Variants in LRRC4C observed in about 807,000 individuals in gnomAD.
The protein encoded by LRRC4C is leucine-rich repeat-containing protein 4C.
A neutral mutation model predicts 33.6 loss-of-function variants in LRRC4C; 5 were observed. That is an observed-to-expected ratio of 0.15 (90% confidence interval 0.08 to 0.31). The LOEUF is 0.31. LRRC4C is among the 10% of genes least tolerant of loss of function. The pLI, the probability that LRRC4C is intolerant of heterozygous loss-of-function variation, is 1.00. For synonymous variants in LRRC4C, 329 were observed against 302.0 expected (o/e 1.09, Z -0.93); for missense variants, 560 against 796.7 (o/e 0.70, Z 3.58).
intron 1 of LRRC4C, among the ~76,000 whole-genome samples, chr11:40,961,374 C>G (rs969873123): frequency 9.9e-5 from 15 of 151,666 alleles, no homozygotes; most frequent in African/African-American, 3.6e-4. Context: ...GGGCTACAAA[C>G]ACTTGCCTCC....
chr11:40,235,165 A>G (rs1001491349), intron 5 of LRRC4C, among the ~76,000 whole-genome samples: 7 of 152,264 alleles, frequency 4.6e-5, no homozygotes, highest in African/African-American at 1.7e-4. Context: ...TCATTTAACT[A>G]TCTTGTGGCA....
At chr11:41,300,516 T>A (rs1315899339) in intron 1 of LRRC4C, among the ~76,000 whole-genome samples, 1 of 152,120 alleles carries the variant, frequency 6.6e-6, no homozygotes, top group Non-Finnish European at 1.5e-5. Flanking sequence ...GGAACTAACG[T>A]CCTCTCTTCA....
chr11:40,384,900 C>T (rs186138855), intron 3 of LRRC4C, among the ~76,000 whole-genome samples: 1 of 152,182 alleles, frequency 6.6e-6, no homozygotes, highest in East Asian at 1.9e-4. Flanking sequence ...ATCCTGCAAA[C>T]ATAAAGCACT....
intron 1 of LRRC4C, among the ~76,000 whole-genome samples, chr11:41,427,928 A>C (rs1590248825): frequency 2.7e-5 from 4 of 146,566 alleles, no homozygotes; most frequent in African/African-American, 7.7e-5. Flanking sequence ...TGTGACCCCC[A>C]CCCCTGCCAG....
chr11:41,375,106 G>A (rs1361862002), intron 1 of LRRC4C, among the ~76,000 whole-genome samples: 2 of 152,138 alleles, frequency 1.3e-5, no homozygotes, highest in Non-Finnish European at 2.9e-5. Context: ...CAGCCTGGGT[G>A]ATGGGAGTGA....
chr11:41,280,091 G>T (rs1240838962), intron 1 of LRRC4C, among the ~76,000 whole-genome samples: 2 of 152,090 alleles, frequency 1.3e-5, no homozygotes, highest in Non-Finnish European at 2.9e-5. Context: ...CAGACTGTAA[G>T]CTCTGGAAAA....
chr11:41,231,697 T>A (rs1352554783), intron 1 of LRRC4C, among the ~76,000 whole-genome samples: 1 of 151,766 alleles, frequency 6.6e-6, no homozygotes, highest in Non-Finnish European at 1.5e-5. Flanking sequence ...CACACCAACA[T>A]GGCACGTGTA....
At position 40,904,261 on chromosome 11, in the gene LRRC4C, T is replaced by A. The variant is rs532730917; in HGVS notation, c.-407+29374A>T. On this transcript the variant is annotated intron_variant, in intron 2 of 6. Coordinates refer to ENST00000528697, the MANE Select transcript of LRRC4C (RefSeq NM_001258419.2). ...TTCCAGGCAATTAATTCAGACAAGA[T>A]ACACAGAACCCAGAGAAGTCGTAGG... Among the ~76,000 whole-genome samples, 11 of 152,284 alleles carry A rather than the reference T, an allele frequency of 7.2e-5. No homozygotes were observed. The South Asian group carries it at 2.3e-3, about 32-fold the overall frequency.
At chr11:41,337,840 G>T (rs903140055) in intron 1 of LRRC4C, among the ~76,000 whole-genome samples, 2 of 151,662 alleles carry the variant, frequency 1.3e-5, no homozygotes, top group Non-Finnish European at 2.9e-5. Context: ...AAATGCACAA[G>T]AAAAAAACAA....
intron 2 of LRRC4C, among the ~76,000 whole-genome samples, chr11:40,750,301 C>T (rs1948618980): frequency 6.6e-6 from 1 of 152,004 alleles, no homozygotes; most frequent in Non-Finnish European, 1.5e-5. Context: ...AATAGCAATC[C>T]TAAAACTATT....
At chr11:40,531,458 A>T (rs538247711) in intron 3 of LRRC4C, among the ~76,000 whole-genome samples, 2 of 152,266 alleles carry the variant, frequency 1.3e-5, no homozygotes, top group South Asian at 2.1e-4. Context: ...CAATTGAATT[A>T]AGTTGCAGAG....
chr11:40,355,955 T>C (rs1346163217), intron 3 of LRRC4C, among the ~76,000 whole-genome samples: 2 of 99,400 alleles, frequency 2.0e-5, no homozygotes, highest in Non-Finnish European at 4.6e-5. Flanking sequence ...TATAGTATTG[T>C]ATAGTATAGT....
intron 1 of LRRC4C, among the ~76,000 whole-genome samples, chr11:41,068,442 GT>G (rs1456125273): frequency 1.3e-5 from 2 of 151,812 alleles, no homozygotes; most frequent in Non-Finnish European, 2.9e-5. Context: ...TCCAGGAGCT[GT>G]TTTTTGAAAA....
chr11:40,622,696 G>C (rs889704298), intron 3 of LRRC4C, among the ~76,000 whole-genome samples: 2 of 151,842 alleles, frequency 1.3e-5, no homozygotes, highest in East Asian at 3.9e-4. Context: ...GCAGTACAGA[G>C]TGGAAAAGAG....
At chr11:40,838,979 T>A (rs181004518) in intron 2 of LRRC4C, among the ~76,000 whole-genome samples, 2 of 152,078 alleles carry the variant, frequency 1.3e-5, no homozygotes, top group Admixed American at 1.3e-4. Flanking sequence ...ATAGGACCAA[T>A]TGAGTTAACT....
At chr11:40,394,029 G>A (rs1949441084) in intron 3 of LRRC4C, among the ~76,000 whole-genome samples, 1 of 151,750 alleles carries the variant, frequency 6.6e-6, no homozygotes, top group South Asian at 2.1e-4. Context: ...GAGTAAGAAG[G>A]GGATAAAAAT....
chr11:41,378,774 C>CT (rs1029803975), intron 1 of LRRC4C, among the ~76,000 whole-genome samples: 1 of 152,024 alleles, frequency 6.6e-6, no homozygotes. Context: ...GAGCAATTCC[C>CT]TATAACCCAA....
At chr11:40,438,562 C>A (rs1992318) in intron 3 of LRRC4C, among the ~76,000 whole-genome samples, 56,771 of 151,822 alleles carry the variant, frequency 0.37, 11,296 homozygotes, top group East Asian at 0.53. Context: ...AATAGTGGAC[C>A]CTCAGTGAAC....
chr11:41,323,503 A>G (rs2137292461), intron 1 of LRRC4C, among the ~76,000 whole-genome samples: 1 of 152,350 alleles, frequency 6.6e-6, no homozygotes, highest in East Asian at 1.9e-4. Flanking sequence ...CCAAGTGAAG[A>G]GAAAAGCAAA....
Sources: allele counts gnomAD v4.1 joint callset (sites outside exome capture counted in the v4.1 genomes callset), GRCh38; gene constraint gnomAD v4.1.1; transcripts MANE v1.5; gene names NCBI Gene and HGNC (gene_info 2026-07-23, HGNC 2026-07-21).